TENM3: variants seen among roughly 807,000 people sequenced by gnomAD.
TENM3 encodes teneurin transmembrane protein 3, also known as teneurin-3.
A neutral mutation model predicts 255.1 loss-of-function variants in TENM3; 63 were observed. The ratio of observed to expected loss-of-function variants is 0.25; its 90% CI spans 0.20 to 0.30. TENM3 has a LOEUF of 0.30. TENM3 is among the 10% of genes least tolerant of loss of function. TENM3 has a pLI of 1.00. For synonymous variants in TENM3, 1,306 were observed against 1,322.3 expected, an observed-to-expected ratio of 0.99 and a Z score of 0.27; for missense variants, 2,929 against 3,461.1, an observed-to-expected ratio of 0.85 and a Z score of 3.86.
At chr4:182,423,218 T>C (rs1770969959) in intron 3 of TENM3, among the ~76,000 whole-genome samples, 1 of 152,204 alleles carries the variant, frequency 6.6e-6, no homozygotes, top group African/African-American at 2.4e-5. Flanking sequence ...TCATTTTCTT[T>C]TCGGAGGTCT....
intron 1 of TENM3, among the ~76,000 whole-genome samples, chr4:182,174,438 T>A (rs1417781656): frequency 4.3e-5 from 4 of 93,870 alleles, no homozygotes; most frequent in Non-Finnish European, 2.3e-5. Context: ...GTAGGCACTC[T>A]TTTTGTGTTT....
At chr4:182,634,675 ATGT>A in intron 5 of TENM3, among the ~76,000 whole-genome samples, 1 of 143,422 alleles carries the variant, frequency 7.0e-6, no homozygotes, top group African/African-American at 2.6e-5. Context: ...CTGGGCCCTG[ATGT>A]ACTCATTCTT....
chr4:182,359,432 C>A (rs549398875), intron 3 of TENM3, among the ~76,000 whole-genome samples: 14 of 150,476 alleles, frequency 9.3e-5, no homozygotes, highest in Admixed American at 3.3e-4. Flanking sequence ...TCAACTTCTT[C>A]CTGGTTTAGT....
chr4:182,412,362 G>A (rs1024423447), intron 3 of TENM3, among the ~76,000 whole-genome samples: 1 of 152,016 alleles, frequency 6.6e-6, no homozygotes, highest in African/African-American at 2.4e-5. Flanking sequence ...ACAGCAAGAG[G>A]TAAATGAAGA....
At chr4:181,793,361 C>T in the TENM3 span, among the ~76,000 whole-genome samples, 1 of 152,190 alleles carries the variant, frequency 6.6e-6, no homozygotes, top group Non-Finnish European at 1.5e-5. Flanking sequence ...ACCACAAACT[C>T]GCTGAGCCCA....
At chr4:182,777,760 G>A (rs959088197) in intron 24 of TENM3, among the ~76,000 whole-genome samples, 18 of 149,906 alleles carry the variant, frequency 1.2e-4, no homozygotes, top group African/African-American at 4.2e-4. Flanking sequence ...GTTTTACCAT[G>A]TTGGCCAGGC....
Position 182,710,366 on chromosome 4 carries a change from A to G in TENM3, c.2222-3721A>G, listed in dbSNP as rs148268922. ...AGAAATTATATGAATGTTATGCAGTAATACATTTTTATTTTAATGTTTAAA... is the reference window on the plus strand; with the variant it reads ...AGAAATTATATGAATGTTATGCAGTGATACATTTTTATTTTAATGTTTAAA... On this transcript the variant is annotated intron_variant, in intron 12 of 27. Transcript: ENST00000511685. Among the ~76,000 whole-genome samples, 635 of 152,332 alleles carry G rather than the reference A, an allele frequency of 4.2e-3. 3 individuals carry two copies. The highest frequency in any genetic ancestry group is 0.015 in the African/African-American group (607 of 41,572).
chr4:181,761,514 T>A, the TENM3 span, among the ~76,000 whole-genome samples: 3 of 151,994 alleles, frequency 2.0e-5, no homozygotes, highest in Non-Finnish European at 4.4e-5. Flanking sequence ...GAAAAAAAAA[T>A]AATCATTTTG....
chr4:182,734,676 C>T (rs55771502), intron 16 of TENM3, among the ~76,000 whole-genome samples: 9,265 of 152,224 alleles, frequency 0.061, 451 homozygotes, highest in Admixed American at 0.14. Context: ...TTAAAGCTCA[C>T]GCAGCTGGCA....
intron 5 of TENM3, among the ~76,000 whole-genome samples, chr4:182,641,872 T>G (rs1485365006): frequency 6.6e-6 from 1 of 152,178 alleles, no homozygotes; most frequent in African/African-American, 2.4e-5. Flanking sequence ...GGAACCCAAA[T>G]GAAAATTGAG....
chr4:181,758,045 G>T, the TENM3 span, among the ~76,000 whole-genome samples: 2 of 152,128 alleles, frequency 1.3e-5, no homozygotes, highest in African/African-American at 4.8e-5. Flanking sequence ...TGTTTATTGT[G>T]ACAGTCTGCC....
chr4:182,759,773 G>A (rs369637552), intron 22 of TENM3, among the ~76,000 whole-genome samples: 50 of 152,300 alleles, frequency 3.3e-4, no homozygotes, highest in African/African-American at 1.1e-3. Flanking sequence ...AGTAAGTAGG[G>A]TGATTCTTCG....
chr4:182,400,356 G>A (rs772983057), intron 3 of TENM3, among the ~76,000 whole-genome samples: 1 of 152,114 alleles, frequency 6.6e-6, no homozygotes, highest in Non-Finnish European at 1.5e-5. Flanking sequence ...TGAAGTGCCT[G>A]GGATCAATTA....
chr4:182,111,427 C>T, the TENM3 span, among the ~76,000 whole-genome samples: 2 of 151,932 alleles, frequency 1.3e-5, no homozygotes. Context: ...GCCTTTTTGT[C>T]TAGAATGGCC....
At chr4:181,626,852 C>T in the TENM3 span, among the ~76,000 whole-genome samples, 2 of 152,154 alleles carry the variant, frequency 1.3e-5, no homozygotes, top group Admixed American at 1.3e-4. Context: ...ATTTAAAGAT[C>T]GCTCTAAGTG....
chr4:181,996,500 A>G, the TENM3 span, among the ~76,000 whole-genome samples: 1 of 152,138 alleles, frequency 6.6e-6, no homozygotes, highest in South Asian at 2.1e-4. Flanking sequence ...TGAAGCAGAG[A>G]GTGAAAGGGG....
chr4:182,139,649 C>T (rs1749258753), upstream of TENM3, among the ~76,000 whole-genome samples: 1 of 152,178 alleles, frequency 6.6e-6, no homozygotes, highest in African/African-American at 2.4e-5. Context: ...AATAATGTAG[C>T]AAGTTTTAAA....
intron 6 of TENM3, among the ~76,000 whole-genome samples, chr4:182,656,768 G>A (rs543339219): frequency 1.3e-5 from 2 of 152,222 alleles, no homozygotes; most frequent in East Asian, 3.9e-4. Context: ...TAATTCTAAG[G>A]AACAATCATT....
At chr4:182,038,292 A>T in the TENM3 span, among the ~76,000 whole-genome samples, 4 of 152,194 alleles carry the variant, frequency 2.6e-5, no homozygotes, top group Admixed American at 2.0e-4. Flanking sequence ...TCCGCTAACT[A>T]GGGCAAAATT....
Sources: gnomAD v4.1 joint callset for allele counts (sites outside exome capture counted in the v4.1 genomes callset) on GRCh38, gnomAD v4.1.1 for gene constraint, MANE v1.5 for transcripts, NCBI Gene and HGNC (gene_info 2026-07-23, HGNC 2026-07-21) for gene names.